The following IQCB1 variants were observed in gnomAD, a reference collection of about 807,000 sequenced individuals.
IQCB1 encodes the protein IQ motif containing B1.
IQCB1 carries 56 observed loss-of-function variants against 84.4 expected under a neutral mutation model. That is an observed-to-expected ratio of 0.66 (90% CI 0.54 to 0.83). IQCB1 has a LOEUF of 0.83. IQCB1 is among the 40% of genes least tolerant of loss of function. The probability of loss-of-function intolerance (pLI) is 0.00; values close to 1 mark genes in which losing one functional copy is unlikely to be tolerated. For synonymous variants in IQCB1, 210 were observed against 234.8 expected, an observed-to-expected ratio of 0.89 and a Z score of 0.96; for missense variants, 629 against 682.1, an observed-to-expected ratio of 0.92 and a Z score of 0.87.
intron 13 of IQCB1, among the ~76,000 whole-genome samples, chr3:121,774,350 C>T (rs1023783130): frequency 4.6e-5 from 7 of 152,102 alleles, no homozygotes; most frequent in Admixed American, 6.6e-5. Context: ...AATGGTACAG[C>T]CACTATGGAA....
chr3:121,814,120 C>T (rs1247666920), intron 5 of IQCB1, among the ~76,000 whole-genome samples: 1 of 152,184 alleles, frequency 6.6e-6, no homozygotes, highest in East Asian at 1.9e-4. Flanking sequence ...AAGAAACTCA[C>T]TCAAAACCAC....
rs1404876480 is a variant in IQCB1, at chr3:121,770,288, C to A, written c.*57G>T. ...CCCTAGTCTACCAGCATGCCAGAGG[C>A]AGAACCAATATAATCTCCTAAAATA... On this transcript the variant is annotated 3_prime_UTR_variant, in exon 15 of 15. Coordinates refer to ENST00000310864, the MANE Select transcript of IQCB1 (RefSeq NM_001023570.4). 6.6e-6 allele frequency: 8 copies of A among 1,220,104 alleles called. No homozygotes were observed. In the Admixed American group the frequency reaches 1.4e-4, roughly 21 times the overall value. The allele number at this position is 1,220,104 out of a possible 1,614,324, so 75.6% of individuals were successfully genotyped here.
intron 11 of IQCB1, 52 bp downstream of exon 11, chr3:121,790,021 T>G: frequency 6.5e-7 from 1 of 1,546,508 alleles, no homozygotes; most frequent in Non-Finnish European, 8.9e-7. Flanking sequence ...GTTGGTTTGT[T>G]AAAAGATAAC....
intron 2 of IQCB1, among the ~76,000 whole-genome samples, chr3:121,831,299 A>C (rs1950629419): frequency 6.6e-6 from 1 of 151,620 alleles, no homozygotes; most frequent in Admixed American, 6.6e-5. Flanking sequence ...CAGCCTCCCA[A>C]GTAGCTGGGA....
intron 4 of IQCB1, among the ~76,000 whole-genome samples, chr3:121,828,102 A>G (rs1950518240): frequency 6.6e-6 from 1 of 152,096 alleles, no homozygotes; most frequent in South Asian, 2.1e-4. Context: ...TCTGCTTTGT[A>G]TCATATACTT....
chr3:121,824,747 C>A (rs1461717287), intron 5 of IQCB1, among the ~76,000 whole-genome samples: 2 of 151,728 alleles, frequency 1.3e-5, no homozygotes, highest in East Asian at 3.9e-4. Context: ...GAACTAAAGA[C>A]AGAATTAGAC....
Position 121,769,775 on chromosome 3 carries a change from C to A in IQCB1, c.*570G>T, listed in dbSNP as rs1205952083. 1 of 153,056 alleles carries A rather than the reference C, an allele frequency of 6.5e-6. No homozygotes were observed. The highest frequency in any genetic ancestry group is 2.4e-5 in the African/African-American group (1 of 41,438). 9.5% of individuals were successfully genotyped at this position (153,056 alleles called of 1,614,324 possible). ...GAAACAGTACATTATGTAGTTCTCA[C>A]AGTTTAATAGAAAGAATGCATTTTT... On this transcript the variant is annotated 3_prime_UTR_variant, in exon 15 of 15. Transcript: ENST00000310864.
At chr3:121,808,144 A>G (rs952620571) in intron 6 of IQCB1, among the ~76,000 whole-genome samples, 4 of 152,002 alleles carry the variant, frequency 2.6e-5, no homozygotes, top group African/African-American at 9.7e-5. Context: ...GGTATTAGTT[A>G]TACTAACTGA....
Position 121,788,277 on chromosome 3 carries a change from G to C in IQCB1, c.1278+7C>G. ...ATTCAGAGCTCTTTTCACTACATTA[G>C]ACTCACTGCTCTTTGAAGTGTGACA... On this transcript the variant is annotated splice_region_variant and intron_variant, in intron 12 of 14. Transcript: ENST00000310864. 1 of 1,613,444 alleles carries C rather than the reference G, an allele frequency of 6.2e-7. No homozygotes were observed. The highest frequency in any genetic ancestry group is 2.2e-5 in the East Asian group (1 of 44,834).
Position 121,795,452 on chromosome 3 carries a change from T to G in IQCB1, c.986+5A>C, listed in dbSNP as rs188368640. ...ATCATCAATCCCCTCACCAAATTTT[T>G]TTACCTGAAACTCCTCTGCAAAGCA... On this transcript the variant is annotated splice_donor_5th_base_variant and intron_variant, in intron 10 of 14. Transcript: ENST00000310864. The G allele has an allele frequency of 6.7e-5, 104 of 1,546,714 alleles. No homozygotes were observed. The East Asian group carries it at 1.3e-3, about 20-fold the overall frequency.
chr3:121,808,596 G>A (rs772493516), intron 6 of IQCB1, among the ~76,000 whole-genome samples: 8 of 151,890 alleles, frequency 5.3e-5, no homozygotes, highest in Non-Finnish European at 1.0e-4. Flanking sequence ...AACACTGACT[G>A]TAATCTTTTA....
chr3:121,787,556 TC>T (rs1219651455), intron 12 of IQCB1, among the ~76,000 whole-genome samples: 28 of 152,154 alleles, frequency 1.8e-4, no homozygotes, highest in African/African-American at 6.7e-4. Flanking sequence ...ATCGAGACCA[TC>T]CTGGCCAATA....
chr3:121,796,145 C>T (rs1464568952), intron 9 of IQCB1, among the ~76,000 whole-genome samples: 1 of 151,974 alleles, frequency 6.6e-6, no homozygotes, highest in South Asian at 2.1e-4. Context: ...GATTTTGTTA[C>T]CTAATCAATA....
At chr3:121,808,594 CTG>C (rs1235979543) in intron 6 of IQCB1, among the ~76,000 whole-genome samples, 1 of 151,958 alleles carries the variant, frequency 6.6e-6, no homozygotes, top group African/African-American at 2.4e-5. Context: ...AAAACACTGA[CTG>C]TAATCTTTTA....
chr3:121,783,702 T>TC (rs1361323482), intron 12 of IQCB1, among the ~76,000 whole-genome samples: 2 of 152,140 alleles, frequency 1.3e-5, no homozygotes, highest in African/African-American at 4.8e-5. Flanking sequence ...GATTGACTGC[T>TC]CTCTATACCT....
intron 13 of IQCB1, among the ~76,000 whole-genome samples, chr3:121,774,092 A>G (rs1023668529): frequency 6.6e-6 from 1 of 152,124 alleles, no homozygotes; most frequent in East Asian, 1.9e-4. Flanking sequence ...TGAACAAAAT[A>G]TAACCCTGTG....
chr3:121,776,000 T>C (rs1162384952), intron 13 of IQCB1, among the ~76,000 whole-genome samples: 1 of 152,174 alleles, frequency 6.6e-6, no homozygotes, highest in Non-Finnish European at 1.5e-5. Flanking sequence ...TTCTACTCTG[T>C]CTGGCTTCTT....
chr3:121,808,852 C>A, intron 6 of IQCB1, 64 bp downstream of exon 6: 2 of 981,720 alleles, frequency 2.0e-6, no homozygotes, highest in Non-Finnish European at 3.3e-6. Flanking sequence ...TTGGAAAAAA[C>A]GATCAAACTG....
intron 1 of IQCB1, among the ~76,000 whole-genome samples, chr3:121,834,733 C>G (rs1224046334): frequency 1.3e-5 from 2 of 152,214 alleles, no homozygotes; most frequent in Non-Finnish European, 2.9e-5. Flanking sequence ...CTAGACCCGG[C>G]TTTCGCGCTA....
Sources: allele counts gnomAD v4.1 joint callset (sites outside exome capture counted in the v4.1 genomes callset), GRCh38; gene constraint gnomAD v4.1.1; transcripts MANE v1.5; gene names NCBI Gene and HGNC (gene_info 2026-07-23, HGNC 2026-07-21).